CADM2: variants seen among roughly 807,000 people sequenced by gnomAD.
CADM2 encodes the protein immunoglobulin superfamily member 4D.
CADM2 carries 12 observed loss-of-function variants against 49.8 expected under a neutral mutation model. That is an observed-to-expected ratio of 0.24 (90% confidence interval 0.15 to 0.39). The LOEUF is 0.39. Ranked by LOEUF, CADM2 falls within the 10% of genes least tolerant of loss-of-function variation. The probability of loss-of-function intolerance (pLI) is 1.00; values close to 1 mark genes in which losing one functional copy is unlikely to be tolerated. For synonymous variants in CADM2, 214 were observed against 175.4 expected (o/e 1.22, Z -1.74); for missense variants, 378 against 492.3 (o/e 0.77, Z 2.20).
chr3:85,638,124 C>G (rs1238033518), intron 1 of CADM2, among the ~76,000 whole-genome samples: 1 of 152,092 alleles, frequency 6.6e-6, no homozygotes, highest in Non-Finnish European at 1.5e-5. Flanking sequence ...ATTATTATCT[C>G]TTAATTGAAT....
intron 1 of CADM2, among the ~76,000 whole-genome samples, chr3:85,479,447 T>A (rs574609027): frequency 6.6e-6 from 1 of 151,020 alleles, no homozygotes; most frequent in East Asian, 2.0e-4. Context: ...TAAAGATGGG[T>A]ATTTCCTCTT....
intron 1 of CADM2, among the ~76,000 whole-genome samples, chr3:85,216,099 A>C (rs2041918597): frequency 6.6e-6 from 1 of 151,816 alleles, no homozygotes; most frequent in African/African-American, 2.4e-5. Flanking sequence ...TAGTTGTTCA[A>C]TATGGTGTTC....
intron 1 of CADM2, among the ~76,000 whole-genome samples, chr3:85,380,444 T>G (rs2033838515): frequency 1.3e-5 from 2 of 152,120 alleles, no homozygotes; most frequent in East Asian, 1.9e-4. Flanking sequence ...GAAGTTAATT[T>G]ACATACATAT....
chr3:85,098,329 T>C (rs2037881523), intron 1 of CADM2, among the ~76,000 whole-genome samples: 1 of 151,788 alleles, frequency 6.6e-6, no homozygotes, highest in Non-Finnish European at 1.5e-5. Flanking sequence ...GTTTAAACAG[T>C]AGTTAAATGT....
chr3:85,460,626 A>G (rs1029982107), intron 1 of CADM2, among the ~76,000 whole-genome samples: 2 of 152,132 alleles, frequency 1.3e-5, no homozygotes, highest in Admixed American at 6.6e-5. Context: ...GATTTCTTCA[A>G]TGCAAAAAGT....
At chr3:85,271,343 A>G (rs2043238078) in intron 1 of CADM2, among the ~76,000 whole-genome samples, 1 of 151,354 alleles carries the variant, frequency 6.6e-6, no homozygotes, top group Non-Finnish European at 1.5e-5. Context: ...AATTTTTATG[A>G]AATGATTTAT....
intron 8 of CADM2, among the ~76,000 whole-genome samples, chr3:86,029,839 A>G (rs542373728): frequency 6.6e-6 from 1 of 152,052 alleles, no homozygotes; most frequent in African/African-American, 2.4e-5. Context: ...ATGAGTCATC[A>G]AAATTGTTAT....
intron 1 of CADM2, among the ~76,000 whole-genome samples, chr3:85,189,576 T>C (rs1307687391): frequency 6.6e-6 from 1 of 152,236 alleles, no homozygotes; most frequent in Non-Finnish European, 1.5e-5. Context: ...TTGCCTGTCC[T>C]CCAGAAGCTT....
chr3:85,134,859 C>T (rs1212123232), intron 1 of CADM2, among the ~76,000 whole-genome samples: 1 of 151,782 alleles, frequency 6.6e-6, no homozygotes, highest in Non-Finnish European at 1.5e-5. Flanking sequence ...ACAGATATCC[C>T]AAATGGGGAT....
intron 1 of CADM2, among the ~76,000 whole-genome samples, chr3:85,013,546 A>G (rs764739371): frequency 2.0e-5 from 3 of 151,810 alleles, no homozygotes; most frequent in Non-Finnish European, 2.9e-5. Flanking sequence ...TGTGGCATAA[A>G]TGTTTATTTT....
chr3:85,927,361 C>A (rs1180799130), intron 6 of CADM2, among the ~76,000 whole-genome samples: 1 of 152,052 alleles, frequency 6.6e-6, no homozygotes, highest in Non-Finnish European at 1.5e-5. Flanking sequence ...TAGGAATATG[C>A]CAAACACTGA....
At chr3:85,966,088 A>T (rs1436305708) in intron 8 of CADM2, among the ~76,000 whole-genome samples, 1 of 151,728 alleles carries the variant, frequency 6.6e-6, no homozygotes, top group Non-Finnish European at 1.5e-5. Flanking sequence ...CTCAAAATAC[A>T]AATGGGAAAT....
intron 2 of CADM2, among the ~76,000 whole-genome samples, chr3:85,752,732 A>G (rs1373043039): frequency 6.6e-6 from 1 of 152,124 alleles, no homozygotes; most frequent in Non-Finnish European, 1.5e-5. Flanking sequence ...ACTCGTGGAA[A>G]GAAAAAAATC....
intron 1 of CADM2, chr3:85,511,744 A>T: frequency 3.9e-6 from 1 of 256,178 alleles, no homozygotes; most frequent in Non-Finnish European, 6.1e-6. Context: ...AAGAAAATAG[A>T]GGTTGGAATG....
chr3:85,840,215 A>G (rs1407005602), intron 3 of CADM2, among the ~76,000 whole-genome samples: 1 of 151,822 alleles, frequency 6.6e-6, no homozygotes, highest in Non-Finnish European at 1.5e-5. Context: ...TTTCCCTTTA[A>G]TAAGTACATC....
chr3:85,862,035 G>T (rs190566317), intron 3 of CADM2, among the ~76,000 whole-genome samples: 6 of 151,558 alleles, frequency 4.0e-5, no homozygotes, highest in Admixed American at 3.3e-4. Flanking sequence ...AATAAATATC[G>T]TGAATAAAAA....
chr3:85,639,532 C>T (rs2064639710), intron 1 of CADM2, among the ~76,000 whole-genome samples: 1 of 152,062 alleles, frequency 6.6e-6, no homozygotes, highest in Non-Finnish European at 1.5e-5. Context: ...CAGGAGTTGT[C>T]TTACTGTTTT....
chr3:85,619,831 T>C (rs2063915753), intron 1 of CADM2, among the ~76,000 whole-genome samples: 3 of 152,208 alleles, frequency 2.0e-5, no homozygotes, highest in Admixed American at 6.5e-5. Context: ...TGCATGCCAG[T>C]GCATAACTTA....
In CADM2 at chr3:85,489,743, CGTGT is replaced by C. The variant is rs35790794; in HGVS notation, c.62-236767_62-236764del. On this transcript the variant is annotated intron_variant, in intron 1 of 9. Coordinates refer to ENST00000383699, the MANE Select transcript of CADM2 (RefSeq NM_001167675.2). ...AAGTGTCCTTCTAAAAATTATTTAA[CGTGT>C]GTGTGTGTGTGAGAGAGAGAGAGAG... 8.3e-5 allele frequency among the ~76,000 whole-genome samples: 12 copies of C among 144,806 alleles called. 1 individual carries two copies. The highest frequency in any genetic ancestry group is 2.0e-4 in the African/African-American group (8 of 39,458). 95.0% of individuals were successfully genotyped at this position (144,806 alleles called of 152,430 possible). A position where few individuals can be genotyped will look rare whatever the true frequency, so the allele number is the denominator to read the frequency against.
Sources: allele counts gnomAD v4.1 joint callset (sites outside exome capture counted in the v4.1 genomes callset), GRCh38; gene constraint gnomAD v4.1.1; transcripts MANE v1.5; gene names NCBI Gene and HGNC (gene_info 2026-07-23, HGNC 2026-07-21).